Variants in MAGI1 observed in about 807,000 individuals in gnomAD.
The protein encoded by MAGI1 is membrane associated guanylate kinase, WW and PDZ domain containing 1.
A neutral mutation model predicts 139.9 loss-of-function variants in MAGI1; 58 were observed. The ratio of observed to expected loss-of-function variants is 0.41; its 90% CI spans 0.34 to 0.52. The LOEUF (loss-of-function observed/expected upper bound fraction) is 0.52, where lower values mean the gene tolerates loss of function less well. MAGI1 is among the 20% of genes least tolerant of loss of function. The pLI is 0.12. For synonymous variants in MAGI1, 812 were observed against 737.9 expected (o/e 1.10, Z -1.63); for missense variants, 1,874 against 1,901.6 (o/e 0.99, Z 0.27).
rs762326391 is a variant in MAGI1, at chr3:65,356,429, C to T, written c.4338G>A (p.Pro1446=). ...QDAGRSSRHP[P]EQRRRPYKEC... ...CTTTGTAAGGTCGCCTTCTCTGCTCCGGGGGATGTCTGGAACTTCTGCCGG... is the reference window on the plus strand; with the variant it reads ...CTTTGTAAGGTCGCCTTCTCTGCTCTGGGGGATGTCTGGAACTTCTGCCGG... The change falls in exon 23 of 23, where the codon CCG becomes CCA. Residue 1446 remains proline, a synonymous_variant. Coordinates refer to ENST00000402939, the MANE Select transcript of MAGI1 (RefSeq NM_001033057.2). 21 of 1,609,292 alleles carry T rather than the reference C, an allele frequency of 1.3e-5. No homozygotes were observed. In the South Asian group the frequency reaches 2.2e-4, roughly 17 times the overall value.
rs370886704 is a variant in MAGI1 at position 65,788,349 on chromosome 3, A to C, written c.314-166261T>G. On this transcript the variant is annotated intron_variant, in intron 1 of 22. Transcript: ENST00000402939. ...ATGGACTAGCCAAGGTCTTGAACTC[A>C]GGAACAGAACTCTGGTCTAATTCCA... is the stretch of plus-strand genomic sequence containing the variant. 3.9e-5 allele frequency among the ~76,000 whole-genome samples: 6 copies of C among 152,380 alleles called. No homozygotes were observed. In the East Asian group the frequency reaches 5.8e-4, roughly 15 times the overall value.
intron 1 of MAGI1, among the ~76,000 whole-genome samples, chr3:65,929,841 T>C (rs1454077819): frequency 6.6e-6 from 1 of 152,048 alleles, no homozygotes; most frequent in East Asian, 1.9e-4. Flanking sequence ...CAAAGGCCTG[T>C]GGAATGGAGA....
At chr3:65,571,162 T>C (rs999355) in intron 2 of MAGI1, among the ~76,000 whole-genome samples, 85,622 of 151,974 alleles carry the variant, frequency 0.56, 24,526 homozygotes, top group East Asian at 0.82. Context: ...TGCACCTGCC[T>C]GCATTAGGGA....
chr3:65,589,096 T>C (rs1406704865), intron 2 of MAGI1, among the ~76,000 whole-genome samples: 2 of 152,242 alleles, frequency 1.3e-5, no homozygotes, highest in Non-Finnish European at 1.5e-5. Flanking sequence ...CAGTTTACAG[T>C]ATGCATGGAC....
rs1429106634 is a variant in MAGI1, at chr3:65,569,158, G to A, written c.430+52814C>T. ...CCTGGATGAACTCTGAAGACATTAT[G>A]CTAAATGAAATAATCCAGACACAAA... is the stretch of plus-strand genomic sequence containing the variant. On this transcript the variant is annotated intron_variant, in intron 2 of 22. Transcript: ENST00000402939. 2.0e-5 allele frequency among the ~76,000 whole-genome samples: 3 copies of A among 152,302 alleles called. No homozygotes were observed. In the East Asian group the frequency reaches 5.8e-4, roughly 29 times the overall value.
chr3:65,537,257 C>T (rs1356624808), intron 2 of MAGI1, among the ~76,000 whole-genome samples: 1 of 152,138 alleles, frequency 6.6e-6, no homozygotes, highest in Non-Finnish European at 1.5e-5. Context: ...CCTATGAGAT[C>T]TTTCCTTCTT....
chr3:65,876,446 C>CG (rs1374932755), intron 1 of MAGI1, among the ~76,000 whole-genome samples: 1 of 151,768 alleles, frequency 6.6e-6, no homozygotes, highest in East Asian at 1.9e-4. Flanking sequence ...ATAAGGTAGA[C>CG]GGGAAAAAAG....
intron 1 of MAGI1, among the ~76,000 whole-genome samples, chr3:65,788,647 A>G (rs751687626): frequency 6.6e-6 from 1 of 152,170 alleles, no homozygotes; most frequent in Non-Finnish European, 1.5e-5. Flanking sequence ...ACTCTAAATT[A>G]CTTCCAGTTT....
At chr3:65,463,411 T>G (rs1189165580) in intron 5 of MAGI1, among the ~76,000 whole-genome samples, 1 of 152,218 alleles carries the variant, frequency 6.6e-6, no homozygotes, top group Non-Finnish European at 1.5e-5. Context: ...TGTTTATTGA[T>G]TTGCATATGT....
At chr3:65,520,879 C>A (rs753708475) in intron 2 of MAGI1, among the ~76,000 whole-genome samples, 1 of 152,164 alleles carries the variant, frequency 6.6e-6, no homozygotes, top group African/African-American at 2.4e-5. Context: ...ATATCACCAA[C>A]CCTCAGCAAA....
At chr3:65,726,189 T>C (rs114336589) in intron 1 of MAGI1, among the ~76,000 whole-genome samples, 397 of 152,340 alleles carry the variant, frequency 2.6e-3, no homozygotes, top group Non-Finnish European at 4.5e-3. Context: ...TGATTAGATT[T>C]ACATTTCCAT....
At chr3:65,862,964 C>G (rs2059603901) in intron 1 of MAGI1, among the ~76,000 whole-genome samples, 1 of 152,208 alleles carries the variant, frequency 6.6e-6, no homozygotes, top group Admixed American at 6.5e-5. Context: ...AACCTGACCT[C>G]CCTAGCATGG....
At chr3:65,624,313 C>T (rs1250608145) in intron 1 of MAGI1, among the ~76,000 whole-genome samples, 1 of 151,888 alleles carries the variant, frequency 6.6e-6, no homozygotes. Context: ...AAAAAAATCT[C>T]GTAGATGAAT....
intron 2 of MAGI1, among the ~76,000 whole-genome samples, chr3:65,606,756 G>C (rs1246425215): frequency 6.6e-6 from 1 of 152,074 alleles, no homozygotes; most frequent in Non-Finnish European, 1.5e-5. Context: ...GACCTTAAGT[G>C]ATCCACCCGC....
At chr3:65,411,738 A>C (rs1032331305) in intron 12 of MAGI1, among the ~76,000 whole-genome samples, 1 of 152,104 alleles carries the variant, frequency 6.6e-6, no homozygotes, top group African/African-American at 2.4e-5. Flanking sequence ...GCTTATTTTT[A>C]GTAATGTAAG....
At position 65,958,999 on chromosome 3, in the gene MAGI1, C is replaced by A. The variant is rs1238607496; in HGVS notation, c.313+78997G>T. Among the ~76,000 whole-genome samples the A allele has an allele frequency of 2.6e-3, 386 of 149,888 alleles. 1 individual carries two copies. The highest frequency in any genetic ancestry group is 0.024 in the Middle Eastern group (7 of 290). On this transcript the variant is annotated intron_variant, in intron 1 of 22. Coordinates refer to ENST00000402939, the MANE Select transcript of MAGI1 (RefSeq NM_001033057.2). The stretch of plus-strand genomic sequence containing the variant: ...GAGACTGTAACTCAAAAAAAAAAAA[C>A]AACAAAAAAAACCACATTTTGCCCC...
intron 1 of MAGI1, among the ~76,000 whole-genome samples, chr3:66,015,839 T>C (rs1576469656): frequency 1.3e-5 from 2 of 152,348 alleles, no homozygotes; most frequent in African/African-American, 4.8e-5. Flanking sequence ...ACATCAATCA[T>C]TCTAGAACAC....
intron 1 of MAGI1, among the ~76,000 whole-genome samples, chr3:65,982,514 C>T (rs1403795511): frequency 1.3e-5 from 2 of 152,180 alleles, no homozygotes; most frequent in African/African-American, 2.4e-5. Flanking sequence ...TGCCAGAATA[C>T]AGCTGTAAAA....
At chr3:65,694,452 T>A (rs1433155315) in intron 1 of MAGI1, among the ~76,000 whole-genome samples, 2 of 151,800 alleles carry the variant, frequency 1.3e-5, no homozygotes, top group East Asian at 1.9e-4. Flanking sequence ...AAAAAAAATA[T>A]GAAGTGTTCT....
Sources: gnomAD v4.1 joint callset for allele counts (sites outside exome capture counted in the v4.1 genomes callset) on GRCh38, gnomAD v4.1.1 for gene constraint, MANE v1.5 for transcripts, NCBI Gene and HGNC (gene_info 2026-07-23, HGNC 2026-07-21) for gene names.